Variants in PRKAB2 observed in about 807,000 individuals in gnomAD.
The protein encoded by PRKAB2 is 5'-AMP-activated protein kinase subunit beta-2.
A neutral mutation model predicts 29.8 loss-of-function variants in PRKAB2; 18 were observed. The ratio of observed to expected loss-of-function variants is 0.60; its 90% confidence interval spans 0.42 to 0.89. The LOEUF is 0.89. Among genes scored for constraint, PRKAB2 ranks in the 40% least tolerant of loss-of-function variants. PRKAB2 has a pLI of 0.00. For synonymous variants in PRKAB2, 136 were observed against 125.9 expected (o/e 1.08, Z -0.54); for missense variants, 270 against 344.3 (o/e 0.78, Z 1.71).
rs1654283131 is a variant in PRKAB2, at chr1:147,167,000, A to T, written c.324-61T>A. On this transcript the variant is annotated intron_variant, in intron 3 of 7. Coordinates refer to ENST00000254101, the MANE Select transcript of PRKAB2 (RefSeq NM_005399.5). ...TCCTTTTAGAAGACTGAATCTAAAA[A>T]ACAAGTGGCAATCATAGTATCATAT... 33 of 1,339,288 alleles carry T rather than the reference A, an allele frequency of 2.5e-5. 1 individual carries two copies. The allele number at this position is 1,339,288 out of a possible 1,614,324, so 83.0% of individuals were successfully genotyped here. A position where few individuals can be genotyped will look rare whatever the true frequency, so the allele number is the denominator to read the frequency against.
In PRKAB2 at chr1:147,156,169, A is replaced by T. The variant is rs1334052066; in HGVS notation, c.*3396T>A. 1 of 152,580 alleles carries T rather than the reference A, an allele frequency of 6.6e-6. No homozygotes were observed. The highest frequency in any genetic ancestry group is 6.6e-5 in the Admixed American group (1 of 15,260). 9.5% of individuals were successfully genotyped at this position (152,580 alleles called of 1,614,324 possible). A position where few individuals can be genotyped will look rare whatever the true frequency, so the allele number is the denominator to read the frequency against. The stretch of plus-strand genomic sequence containing the variant: ...CATCTGCTATTAAGCCCATGCCCCA[A>T]ATCACTAGAACGTGAGAATGTAGAA... On this transcript the variant is annotated 3_prime_UTR_variant, in exon 8 of 8. Coordinates refer to ENST00000254101, the MANE Select transcript of PRKAB2 (RefSeq NM_005399.5).
At chr1:147,171,965 C>G in intron 2 of PRKAB2, 24 bp downstream of exon 2, 3 of 1,592,656 alleles carry the variant, frequency 1.9e-6, no homozygotes, top group Non-Finnish European at 2.6e-6. Flanking sequence ...GTACTGACAC[C>G]AACTGCGGGC....
chr1:147,162,367 C>G, intron 6 of PRKAB2, 73 bp downstream of exon 6: 7 of 1,417,294 alleles, frequency 4.9e-6, no homozygotes, highest in South Asian at 3.9e-5. Flanking sequence ...ATCCTAACCT[C>G]TAGGATTACT....
intron 5 of PRKAB2, among the ~76,000 whole-genome samples, chr1:147,163,940 T>A (rs1349742288): frequency 6.6e-6 from 1 of 152,208 alleles, no homozygotes; most frequent in South Asian, 2.1e-4. Flanking sequence ...TTAAATGTTA[T>A]TGTTTCTTTT....
chr1:147,167,635 T>A, intron 3 of PRKAB2, 132 bp downstream of exon 3: 3 of 1,043,830 alleles, frequency 2.9e-6, no homozygotes, highest in Non-Finnish European at 4.1e-6. Flanking sequence ...ATATACTAAG[T>A]GGCCGCAGAA....
chr1:147,163,549 G>C lies in PRKAB2; in HGVS notation c.539-976C>G, dbSNP rs587687086. Among the ~76,000 whole-genome samples the C allele has an allele frequency of 7.2e-5, 11 of 152,134 alleles. No homozygotes were observed. In the South Asian group the frequency reaches 2.3e-3, roughly 32 times the overall value. ...AGTACTGATACATGGTTAGAACATG[G>C]ATGAACCCTGAAAACATTATGCTAA... is the stretch of plus-strand genomic sequence containing the variant. On this transcript the variant is annotated intron_variant, in intron 5 of 7. Coordinates refer to ENST00000254101, the MANE Select transcript of PRKAB2 (RefSeq NM_005399.5).
chr1:147,161,620 T>G, intron 7 of PRKAB2, 92 bp downstream of exon 7: 15 of 1,108,644 alleles, frequency 1.4e-5, no homozygotes, highest in Non-Finnish European at 1.7e-5. Context: ...TCAGCTTCAA[T>G]GAAATAGCAG....
Position 147,167,929 on chromosome 1 carries a change from G to A in PRKAB2, c.161C>T (p.Pro54Leu), listed in dbSNP as rs1185974915. ...SVFSLPDSKL[P>L]GDKEFVSWQQ... ...CCATGATACAAACTCTTTGTCCCCA[G>A]GGAGCTGTAAGAAGGAGTAGGTCAT... The change falls in exon 3 of 8, where the codon CCT (proline) becomes CTT (leucine). Residue 54 changes from proline (P) to leucine (L), a missense_variant. Transcript: ENST00000254101. 1.2e-6 allele frequency: 2 copies of A among 1,611,398 alleles called. No individual in the cohort carries two copies. Among genetic ancestry groups the A allele is most frequent in the Non-Finnish European group, 1.7e-6 (2 of 1,178,920 alleles).
At chr1:147,171,070 C>T (rs587605484) in intron 2 of PRKAB2, among the ~76,000 whole-genome samples, 3 of 152,274 alleles carry the variant, frequency 2.0e-5, no homozygotes, top group African/African-American at 7.2e-5. Context: ...CTCATCCAGT[C>T]AGTCTACCTG....
intron 2 of PRKAB2, among the ~76,000 whole-genome samples, chr1:147,171,572 AT>A (rs1553914366): frequency 1.3e-5 from 2 of 152,230 alleles, no homozygotes; most frequent in African/African-American, 4.8e-5. Context: ...AAAGAATTTC[AT>A]TTAGCCACCT....
chr1:147,170,772 G>A (rs1004629079), intron 2 of PRKAB2, among the ~76,000 whole-genome samples: 2 of 152,082 alleles, frequency 1.3e-5, no homozygotes, highest in African/African-American at 2.4e-5. Flanking sequence ...AGTAGAGACG[G>A]GGTTTCACCA....
At chr1:147,163,102 T>C (rs587655441) in intron 5 of PRKAB2, among the ~76,000 whole-genome samples, 29 of 152,278 alleles carry the variant, frequency 1.9e-4, no homozygotes, top group African/African-American at 6.7e-4. Flanking sequence ...TGTATGTAAC[T>C]GTCATTAGGG....
rs963723375 is a variant in PRKAB2 at position 147,157,609 on chromosome 1, C to T, written c.*1956G>A. On this transcript the variant is annotated 3_prime_UTR_variant, in exon 8 of 8. Coordinates refer to ENST00000254101, the MANE Select transcript of PRKAB2 (RefSeq NM_005399.5). ...TACTGTTGACAAGAAATATAACAAA[C>T]TTCATGTAATAACCAAGATTTTGAA... is the stretch of plus-strand genomic sequence containing the variant. The T allele has an allele frequency of 3.9e-5, 6 of 152,038 alleles. No homozygotes were observed. Among genetic ancestry groups the T allele is most frequent in the African/African-American group, 1.4e-4 (6 of 41,386 alleles). 9.4% of individuals were successfully genotyped at this position (152,038 alleles called of 1,614,324 possible). A position where few individuals can be genotyped will look rare whatever the true frequency, so the allele number is the denominator to read the frequency against.
chr1:147,169,806 A>G (rs1345879159), intron 2 of PRKAB2, among the ~76,000 whole-genome samples: 3 of 152,204 alleles, frequency 2.0e-5, no homozygotes, highest in Non-Finnish European at 4.4e-5. Context: ...AATTTTCCAA[A>G]AACTATTTAA....
rs1653652474 is a variant in PRKAB2, at chr1:147,155,954, C to A, written c.*3611G>T. 6.6e-6 allele frequency: 1 copy of A among 152,106 alleles called. No homozygotes were observed. The allele number at this position is 152,106 out of a possible 1,614,324, so 9.4% of individuals were successfully genotyped here. ...TTGGGTTCATTGCAGAAATCACAGT[C>A]CTTCCATATCCAATTGTGATTGGCA... is the stretch of plus-strand genomic sequence containing the variant. On this transcript the variant is annotated 3_prime_UTR_variant, in exon 8 of 8. Transcript: ENST00000254101.
intron 6 of PRKAB2, 116 bp from the exon 7 acceptor site, chr1:147,161,896 T>TA: frequency 1.3e-6 from 1 of 749,222 alleles, no homozygotes; most frequent in South Asian, 1.9e-5. Flanking sequence ...TAGAATGCGC[T>TA]ATCTCTTTTC....
chr1:147,160,375 C>CA (rs1653897218), intron 7 of PRKAB2, among the ~76,000 whole-genome samples: 1 of 152,074 alleles, frequency 6.6e-6, no homozygotes, highest in African/African-American at 2.4e-5. Context: ...AAGAAGACAG[C>CA]AAGAGGTACC....
chr1:147,170,647 TA>T (rs1379315918), intron 2 of PRKAB2, among the ~76,000 whole-genome samples: 1 of 152,144 alleles, frequency 6.6e-6, no homozygotes, highest in East Asian at 1.9e-4. Flanking sequence ...TGGTTTGATC[TA>T]AACTCACTGC....
intron 6 of PRKAB2, 107 bp downstream of exon 6, chr1:147,162,333 T>C (rs956061805): frequency 8.4e-7 from 1 of 1,192,876 alleles, no homozygotes; most frequent in African/African-American, 1.6e-5. Flanking sequence ...GTATGACTTA[T>C]AATCTCAACA....
Sources: gnomAD v4.1 joint callset for allele counts (sites outside exome capture counted in the v4.1 genomes callset) on GRCh38, gnomAD v4.1.1 for gene constraint, MANE v1.5 for transcripts, NCBI Gene and HGNC (gene_info 2026-07-23, HGNC 2026-07-21) for gene names.